The following MPDZ variants were observed in gnomAD, a reference collection of about 807,000 sequenced individuals.
MPDZ encodes multiple PDZ domain protein.
Under a neutral mutation model 239.1 loss-of-function variants are expected in MPDZ, and 234 were observed. The observed-to-expected ratio is 0.98, with a 90% CI of 0.88 to 1.09. The LOEUF (loss-of-function observed/expected upper bound fraction) is 1.09, where lower values mean the gene tolerates loss of function less well. Ranked by LOEUF, MPDZ falls within the 50% of genes least tolerant of loss-of-function variation. The probability of loss-of-function intolerance (pLI) is 0.00; values close to 1 mark genes in which losing one functional copy is unlikely to be tolerated. For missense variants in MPDZ, 3,175 were observed against 2,510.0 expected (o/e 1.26, Z -5.66); for synonymous variants, 1,048 against 881.3 (o/e 1.19, Z -3.35).
At chr9:13,111,034 G>GAA (rs201635236) in intron 43 of MPDZ, among the ~76,000 whole-genome samples, 1 of 151,288 alleles carries the variant, frequency 6.6e-6, no homozygotes, top group Non-Finnish European at 1.5e-5. Context: ...CCTATTAAAA[G>GAA]AAAAAAAAAT....
At chr9:13,229,577 T>TACACACAC (rs139327129) in intron 3 of MPDZ, among the ~76,000 whole-genome samples, 3 of 136,148 alleles carry the variant, frequency 2.2e-5, no homozygotes, top group African/African-American at 8.1e-5. Flanking sequence ...ACACCACACT[T>TACACACAC]ACACACACAC....
chr9:13,224,332 A>C (rs1295265162), intron 4 of MPDZ, 42 bp downstream of exon 4: 1 of 1,457,682 alleles, frequency 6.9e-7, no homozygotes, highest in Non-Finnish European at 9.5e-7. Context: ...TTCTTAAATT[A>C]CTACAGGTAT....
chr9:13,181,723 T>C (rs1953362419), intron 19 of MPDZ, among the ~76,000 whole-genome samples: 1 of 152,128 alleles, frequency 6.6e-6, no homozygotes, highest in Non-Finnish European at 1.5e-5. Flanking sequence ...ACAGCCAGCA[T>C]TTGCCCTGTA....
intron 23 of MPDZ, among the ~76,000 whole-genome samples, chr9:13,159,249 T>C (rs1950185296): frequency 6.6e-6 from 1 of 152,120 alleles, no homozygotes; most frequent in Admixed American, 6.6e-5. Flanking sequence ...GACCTGAATG[T>C]TAAGTTTTTG....
chr9:13,201,688 T>C (rs1256241109), intron 12 of MPDZ, among the ~76,000 whole-genome samples: 1 of 152,086 alleles, frequency 6.6e-6, no homozygotes, highest in African/African-American at 2.4e-5. Context: ...TTTCTCTGTT[T>C]GATCAAATTT....
rs1958804489 is a variant in MPDZ, at chr9:13,219,542, T to A, written c.1086+17A>T. 4 of 1,604,086 alleles carry A rather than the reference T, an allele frequency of 2.5e-6. No individual in the cohort carries two copies. Among genetic ancestry groups the A allele is most frequent in the Non-Finnish European group, 3.4e-6 (4 of 1,173,028 alleles). ...TTATTTCTCTGACTTTCACATTAAC[T>A]ACTCTTAACTACTTACCCGCAACTC... On this transcript the variant is annotated intron_variant, in intron 8 of 46. Coordinates refer to ENST00000319217, the MANE Select transcript of MPDZ (RefSeq NM_001378778.1).
chr9:13,181,212 G>A (rs1479858361), intron 19 of MPDZ, among the ~76,000 whole-genome samples: 1 of 152,056 alleles, frequency 6.6e-6, no homozygotes, highest in Non-Finnish European at 1.5e-5. Flanking sequence ...CAAGATAGAG[G>A]CATCTTTGTT....
intron 24 of MPDZ, among the ~76,000 whole-genome samples, chr9:13,155,162 G>A (rs1336873346): frequency 1.3e-5 from 2 of 150,040 alleles, no homozygotes; most frequent in African/African-American, 2.5e-5. Context: ...AGGTTGCAGT[G>A]AGCCAGGATC....
intron 23 of MPDZ, among the ~76,000 whole-genome samples, chr9:13,160,858 A>ATATATATATATATATG (rs1950388807): frequency 4.1e-5 from 5 of 121,932 alleles, no homozygotes; most frequent in Non-Finnish European, 1.8e-5. Context: ...ATATATATAT[A>ATATATATATATATATG]TATATATATA....
chr9:13,160,861 T>TATAC (rs1950392114), intron 23 of MPDZ, among the ~76,000 whole-genome samples: 1 of 125,506 alleles, frequency 8.0e-6, no homozygotes, highest in Admixed American at 8.0e-5. Context: ...TATATATATA[T>TATAC]ATATATATAA....
intron 39 of MPDZ, among the ~76,000 whole-genome samples, chr9:13,115,605 A>G (rs1943277903): frequency 6.6e-6 from 1 of 151,196 alleles, no homozygotes; most frequent in Non-Finnish European, 1.5e-5. Context: ...GAAATGGAGA[A>G]TTGAGCAATT....
At position 13,176,556 on chromosome 9, in the gene MPDZ, C is replaced by G. The variant is rs1377930383; in HGVS notation, c.2650-139G>C. 3 of 767,930 alleles carry G rather than the reference C, an allele frequency of 3.9e-6. No homozygotes were observed. The East Asian group carries it at 8.3e-5, about 21-fold the overall frequency. 47.6% of individuals were successfully genotyped at this position (767,930 alleles called of 1,614,324 possible). A position where few individuals can be genotyped will look rare whatever the true frequency, so the allele number is the denominator to read the frequency against. Reference sequence around the variant, plus strand: ...TTATTTATTACTCAAAAAGCATTAACAAACACAATTCCTCACTTAGCAGAT... The same window carrying G: ...TTATTTATTACTCAAAAAGCATTAAGAAACACAATTCCTCACTTAGCAGAT... On this transcript the variant is annotated intron_variant, in intron 19 of 46. Transcript: ENST00000319217.
Position 13,106,920 on chromosome 9 carries a change from A to T in MPDZ, c.*45T>A, listed in dbSNP as rs776367505. On this transcript the variant is annotated 3_prime_UTR_variant, in exon 47 of 47. Coordinates refer to ENST00000319217, the MANE Select transcript of MPDZ (RefSeq NM_001378778.1). ...AGGACCAGTGCATTCTCTTTACAGT[A>T]GGAGGTGAGCTAGGGGTTGGGTTGG... The T allele has an allele frequency of 8.7e-6, 14 of 1,604,466 alleles. No individual in the cohort carries two copies. In the Admixed American group the frequency reaches 2.3e-4, roughly 27 times the overall value.
At chr9:13,161,160 T>C (rs569800778) in intron 23 of MPDZ, among the ~76,000 whole-genome samples, 1 of 152,006 alleles carries the variant, frequency 6.6e-6, no homozygotes, top group Admixed American at 6.6e-5. Flanking sequence ...TCCCTGACAC[T>C]TTCTGTATTC....
chr9:13,152,126 G>C (rs1263792314), intron 24 of MPDZ, among the ~76,000 whole-genome samples: 2 of 152,052 alleles, frequency 1.3e-5, no homozygotes, highest in Non-Finnish European at 2.9e-5. Context: ...ACCAAATCAA[G>C]GGAAAGAACA....
intron 34 of MPDZ, 145 bp downstream of exon 34, chr9:13,126,371 G>C: frequency 2.0e-6 from 1 of 505,984 alleles, no homozygotes. Context: ...AGAAATTGAA[G>C]AACTTCTGAA....
chr9:13,148,419 T>A (rs879724474), intron 25 of MPDZ, among the ~76,000 whole-genome samples: 2 of 151,992 alleles, frequency 1.3e-5, no homozygotes, highest in Non-Finnish European at 2.9e-5. Flanking sequence ...AATTACCATG[T>A]TATGATATAT....
intron 15 of MPDZ, among the ~76,000 whole-genome samples, chr9:13,190,960 G>C (rs1277205105): frequency 6.6e-6 from 1 of 152,084 alleles, no homozygotes; most frequent in Non-Finnish European, 1.5e-5. Context: ...GACAGAAATA[G>C]GGATTCAAAA....
intron 21 of MPDZ, among the ~76,000 whole-genome samples, chr9:13,170,310 A>T (rs2133962750): frequency 6.6e-6 from 1 of 152,250 alleles, no homozygotes; most frequent in African/African-American, 2.4e-5. Context: ...CTAGCCTAAT[A>T]TTTCATAGTG....
Sources: allele counts gnomAD v4.1 joint callset (sites outside exome capture counted in the v4.1 genomes callset), GRCh38; gene constraint gnomAD v4.1.1; transcripts MANE v1.5; gene names NCBI Gene and HGNC (gene_info 2026-07-23, HGNC 2026-07-21).